The following CLASRP variants were observed in gnomAD, a reference collection of about 807,000 sequenced individuals.
The protein encoded by CLASRP is CLK4 associating serine/arginine rich protein.
Under a neutral mutation model 99.9 loss-of-function variants are expected in CLASRP, and 52 were observed. That is an observed-to-expected ratio of 0.52 (90% CI 0.42 to 0.66). The LOEUF (loss-of-function observed/expected upper bound fraction) is 0.66. Ranked by LOEUF, CLASRP falls within the 30% of genes least tolerant of loss-of-function variation. The pLI, the probability that CLASRP is intolerant of heterozygous loss-of-function variation, is 0.00. For missense variants in CLASRP, 848 were observed against 999.2 expected (o/e 0.85, Z 2.04); for synonymous variants, 379 against 373.0 (o/e 1.02, Z -0.18).
rs965592753 is a variant in CLASRP, at chr19:45,064,610, CG to C, written c.1392del (p.Arg466GlyfsTer43). The part of the protein sequence containing the change: ...SRSPARRGGY[G>X]PRRRSRSRSH... The stretch of plus-strand genomic sequence containing the variant: ...GCTCGCCCGCCCGGCGTGGTGGTTA[CG>C]GGCCCCGGCGCAGAAGCAGGTGTGT... On this transcript the variant is annotated frameshift_variant, in exon 13 of 21. Coordinates refer to ENST00000221455, the MANE Select transcript of CLASRP (RefSeq NM_007056.3). LOFTEE classifies it high-confidence loss of function. 6.4e-6 allele frequency: 10 copies of C among 1,550,574 alleles called. No homozygotes were observed. The highest frequency in any genetic ancestry group is 1.9e-5 in the Admixed American group (1 of 53,306).
In CLASRP at chr19:45,042,564, T is replaced by TA. The variant is rs779811358; in HGVS notation, c.99+2254dup. 1.5e-3 allele frequency among the ~76,000 whole-genome samples: 225 copies of TA among 151,762 alleles called. 1 individual carries two copies. The highest frequency in any genetic ancestry group is 1.8e-3 in the Non-Finnish European group (122 of 67,942). ...GTATGTATACACACACGCACACACA[T>TA]ACGCATACACAGGTTGAACATCCCT... is the stretch of plus-strand genomic sequence containing the variant. On this transcript the variant is annotated intron_variant, in intron 2 of 20. Coordinates refer to ENST00000221455, the MANE Select transcript of CLASRP (RefSeq NM_007056.3).
chr19:45,068,799 C>T (rs1008336463), intron 16 of CLASRP, among the ~76,000 whole-genome samples: 14 of 151,810 alleles, frequency 9.2e-5, no homozygotes, highest in African/African-American at 3.4e-4. Context: ...GAGATCGAGA[C>T]CATTAACACG....
intron 6 of CLASRP, 97 bp from the exon 7 acceptor site, chr19:45,057,653 G>A: frequency 7.1e-7 from 1 of 1,406,266 alleles, no homozygotes; most frequent in Non-Finnish European, 9.9e-7. Flanking sequence ...GAGCCTGAGG[G>A]GAGGGGGCCG....
intron 2 of CLASRP, among the ~76,000 whole-genome samples, chr19:45,049,370 A>C (rs1226065222): frequency 6.6e-6 from 1 of 152,158 alleles, no homozygotes; most frequent in African/African-American, 2.4e-5. Flanking sequence ...CAGCTAAGGA[A>C]TCGAGGGAGG....
At chr19:45,052,998 C>A (rs1186494743) in intron 4 of CLASRP, 100 bp from the exon 5 acceptor site, 6 of 1,531,710 alleles carry the variant, frequency 3.9e-6, no homozygotes, top group Admixed American at 3.4e-5. Flanking sequence ...CTATTTGGTA[C>A]CGCCCTGAGC....
At chr19:45,049,242 A>T (rs1337214565) in intron 2 of CLASRP, among the ~76,000 whole-genome samples, 3 of 152,136 alleles carry the variant, frequency 2.0e-5, no homozygotes, top group Non-Finnish European at 4.4e-5. Context: ...TGGCTGTGGG[A>T]ACTGGGCATT....
At chr19:45,043,240 G>A (rs949836377) in intron 2 of CLASRP, among the ~76,000 whole-genome samples, 8 of 85,688 alleles carry the variant, frequency 9.3e-5, no homozygotes, top group African/African-American at 2.3e-4. Flanking sequence ...TGTGTGTCCC[G>A]TCTCTACTAC....
At chr19:45,048,705 C>T (rs1971966628) in intron 2 of CLASRP, among the ~76,000 whole-genome samples, 1 of 151,812 alleles carries the variant, frequency 6.6e-6, no homozygotes, top group Non-Finnish European at 1.5e-5. Context: ...AGAATAGTAC[C>T]AGCTGGGCGT....
At position 45,060,744 on chromosome 19, in the gene CLASRP, G is replaced by A; in HGVS notation, c.863+117G>A. 1.3e-6 allele frequency: 1 copy of A among 781,404 alleles called. No homozygotes were observed. Among genetic ancestry groups the A allele is most frequent in the Non-Finnish European group, 2.0e-6 (1 of 489,042 alleles). The allele number at this position is 781,404 out of a possible 1,614,324, so 48.4% of individuals were successfully genotyped here. A position where few individuals can be genotyped will look rare whatever the true frequency, so the allele number is the denominator to read the frequency against. ...TTGACTTGAGAAAGGAGTCTTTCTA[G>A]TGGGGCGATGCATGGCCATCGTGAA... On this transcript the variant is annotated intron_variant, in intron 10 of 20. Coordinates refer to ENST00000221455, the MANE Select transcript of CLASRP (RefSeq NM_007056.3). The surrounding 1 kb of genome is among the most constrained non-coding windows in gnomAD (Gnocchi z 4.6).
At chr19:45,070,338 A>G (rs1967209823) in intron 19 of CLASRP, among the ~76,000 whole-genome samples, 199 bp from the exon 20 acceptor site, 1 of 152,030 alleles carries the variant, frequency 6.6e-6, no homozygotes, top group South Asian at 2.1e-4. Flanking sequence ...TTTAGTCACA[A>G]GGTGATTGCA....
intron 7 of CLASRP, among the ~76,000 whole-genome samples, chr19:45,058,788 C>T (rs1409884296): frequency 6.6e-6 from 1 of 151,980 alleles, no homozygotes; most frequent in Non-Finnish European, 1.5e-5. Context: ...ACACCTGTGA[C>T]CCACACCCTG....
chr19:45,057,964 AC>A (rs1269512168), intron 7 of CLASRP, 66 bp downstream of exon 7: 1 of 1,591,784 alleles, frequency 6.3e-7, no homozygotes, highest in East Asian at 2.3e-5. Flanking sequence ...CTCGTCCCTC[AC>A]CCTCTGTGGG....
intron 12 of CLASRP, 24 bp from the exon 13 acceptor site, chr19:45,064,319 C>T (rs973807621): frequency 4.0e-6 from 6 of 1,515,984 alleles, no homozygotes; most frequent in Non-Finnish European, 5.3e-6. Context: ...CTGCGCTGAC[C>T]GGCCCTCCGT....
intron 2 of CLASRP, among the ~76,000 whole-genome samples, chr19:45,043,934 T>C (rs1241985454): frequency 6.6e-6 from 1 of 151,410 alleles, no homozygotes; most frequent in Non-Finnish European, 1.5e-5. Context: ...CAGGCTGGAG[T>C]GCAGTGGCAC....
rs1259338223 is a variant in CLASRP at position 45,045,530 on chromosome 19, TCGGGATGTTTTCC to T, written c.99+5222_99+5234del. 4.0e-4 allele frequency among the ~76,000 whole-genome samples: 61 copies of T among 151,986 alleles called. 1 individual carries two copies. Among genetic ancestry groups the T allele is most frequent in the Non-Finnish European group, 1.5e-5 (1 of 67,994 alleles). On this transcript the variant is annotated intron_variant, in intron 2 of 20. Coordinates refer to ENST00000221455, the MANE Select transcript of CLASRP (RefSeq NM_007056.3). ...AGACCCTGTCTTTAAAAAAAAAGTT[TCGGGATGTTTTCC>T]CGTAACATTTCCACTCCTCCCCTGC... is the stretch of plus-strand genomic sequence containing the variant.
chr19:45,061,457 GAT>G (rs547172086), intron 10 of CLASRP, among the ~76,000 whole-genome samples: 76 of 152,078 alleles, frequency 5.0e-4, no homozygotes, highest in Non-Finnish European at 1.0e-3. Context: ...CCTCAGCTGT[GAT>G]AGTCTCTCTT....
intron 2 of CLASRP, 28 bp downstream of exon 2, chr19:45,040,339 G>A: frequency 6.5e-7 from 1 of 1,538,688 alleles, no homozygotes; most frequent in Non-Finnish European, 8.9e-7. Flanking sequence ...TGTCTGGGGT[G>A]AGGGACCCTG....
At chr19:45,054,209 T>C (rs1275023411) in intron 5 of CLASRP, among the ~76,000 whole-genome samples, 1 of 152,244 alleles carries the variant, frequency 6.6e-6, no homozygotes, top group Non-Finnish European at 1.5e-5. Flanking sequence ...TCATTACATC[T>C]GCACAACCAC....
In CLASRP at chr19:45,053,078, G is replaced by A; in HGVS notation, c.300-20G>A. 6.2e-7 allele frequency: 1 copy of A among 1,613,746 alleles called. No individual in the cohort carries two copies. Among genetic ancestry groups the A allele is most frequent in the Non-Finnish European group, 8.5e-7 (1 of 1,179,830 alleles). ...ATCCACTCCTTCTCTCTGATTTCAA[G>A]GTCTCGCCCTTCCCTAAAGCTCCCC... is the stretch of plus-strand genomic sequence containing the variant. On this transcript the variant is annotated intron_variant, in intron 4 of 20. Transcript: ENST00000221455.
Sources: gnomAD v4.1 joint callset for allele counts (sites outside exome capture counted in the v4.1 genomes callset) on GRCh38, gnomAD v4.1.1 for gene constraint, Gnocchi (gnomAD v3.1) non-coding constraint, MANE v1.5 for transcripts, NCBI Gene and HGNC (gene_info 2026-07-23, HGNC 2026-07-21) for gene names.